The following PSD3 variants were observed in gnomAD, a reference collection of about 807,000 sequenced individuals.
The protein encoded by PSD3 is PH and SEC7 domain-containing protein 3.
A neutral mutation model predicts 105.5 loss-of-function variants in PSD3; 49 were observed. The observed-to-expected ratio is 0.46, with a 90% CI of 0.37 to 0.59. PSD3 has a LOEUF of 0.59. Among genes scored for constraint, PSD3 ranks in the 20% least tolerant of loss-of-function variants. The probability of loss-of-function intolerance (pLI) is 0.00; values close to 1 mark genes in which losing one functional copy is unlikely to be tolerated. For missense variants in PSD3, 1,561 were observed against 1,263.8 expected, an observed-to-expected ratio of 1.24 and a Z score of -3.57; for synonymous variants, 557 against 457.8, an observed-to-expected ratio of 1.22 and a Z score of -2.77.
chr8:19,083,534 C>G (rs1016841641), intron 1 of PSD3, among the ~76,000 whole-genome samples: 2 of 152,212 alleles, frequency 1.3e-5, no homozygotes, highest in African/African-American at 4.8e-5. Flanking sequence ...GGCTGCACAT[C>G]CATTTGGTGG....
At chr8:18,930,818 T>C (rs1821702195) in intron 2 of PSD3, among the ~76,000 whole-genome samples, 3 of 152,140 alleles carry the variant, frequency 2.0e-5, no homozygotes, top group African/African-American at 7.2e-5. Context: ...TCTGCCCGAC[T>C]TGGCCTCCCA....
At chr8:18,679,525 A>G (rs999880768) in intron 9 of PSD3, among the ~76,000 whole-genome samples, 1 of 152,210 alleles carries the variant, frequency 6.6e-6, no homozygotes, top group African/African-American at 2.4e-5. Context: ...TGTTAAATCT[A>G]GCTCAGTCTT....
chr8:19,053,312 C>T (rs1180643613), intron 1 of PSD3, among the ~76,000 whole-genome samples: 2 of 151,998 alleles, frequency 1.3e-5, no homozygotes, highest in African/African-American at 4.8e-5. Context: ...CTCCGCACTG[C>T]GTCCCCTGCC....
intron 2 of PSD3, among the ~76,000 whole-genome samples, chr8:18,917,832 A>C (rs1020702108): frequency 1.3e-5 from 2 of 152,164 alleles, no homozygotes; most frequent in African/African-American, 4.8e-5. Flanking sequence ...CGTGGAACCA[A>C]CATACAAGCT....
chr8:18,536,808 T>C (rs541403664), intron 15 of PSD3, among the ~76,000 whole-genome samples: 2 of 152,296 alleles, frequency 1.3e-5, no homozygotes, highest in East Asian at 3.9e-4. Flanking sequence ...ATCATATATG[T>C]TGCAAATTAG....
At chr8:18,557,900 C>T (rs1801174351) in intron 14 of PSD3, among the ~76,000 whole-genome samples, 1 of 152,196 alleles carries the variant, frequency 6.6e-6, no homozygotes, top group African/African-American at 2.4e-5. Flanking sequence ...AATTAACCTT[C>T]AGTGTAGCTA....
intron 4 of PSD3, among the ~76,000 whole-genome samples, chr8:18,835,683 T>G (rs547007838): frequency 6.6e-6 from 1 of 152,098 alleles, no homozygotes; most frequent in Non-Finnish European, 1.5e-5. Flanking sequence ...CAGAAGAGAA[T>G]CATTAAAAAT....
At chr8:18,888,152 C>G (rs764045388) in intron 2 of PSD3, among the ~76,000 whole-genome samples, 1 of 152,120 alleles carries the variant, frequency 6.6e-6, no homozygotes, top group Non-Finnish European at 1.5e-5. Flanking sequence ...GATTCAGAAC[C>G]ATCGCAAGCC....
At chr8:18,832,385 G>C (rs1813748568) in intron 4 of PSD3, among the ~76,000 whole-genome samples, 1 of 151,932 alleles carries the variant, frequency 6.6e-6, no homozygotes, top group Non-Finnish European at 1.5e-5. Flanking sequence ...TTTCCCTTCA[G>C]TTCTGCATAG....
At chr8:18,908,572 T>A (rs769329256) in intron 2 of PSD3, among the ~76,000 whole-genome samples, 2 of 152,314 alleles carry the variant, frequency 1.3e-5, no homozygotes, top group Admixed American at 1.3e-4. Context: ...ATCCCTGACT[T>A]CCCGTTCTGA....
intron 9 of PSD3, among the ~76,000 whole-genome samples, chr8:18,754,183 G>A (rs1355252290): frequency 3.3e-5 from 5 of 152,002 alleles, no homozygotes; most frequent in Admixed American, 1.3e-4. Context: ...CAGGAGTTCC[G>A]GATCAGCCTG....
chr8:18,915,719 T>G, intron 2 of PSD3, among the ~76,000 whole-genome samples: 1 of 152,008 alleles, frequency 6.6e-6, no homozygotes. Flanking sequence ...ATCAAAAAGA[T>G]AAAGTACCAG....
At chr8:18,837,492 A>C (rs926940453) in intron 4 of PSD3, among the ~76,000 whole-genome samples, 1 of 152,214 alleles carries the variant, frequency 6.6e-6, no homozygotes, top group African/African-American at 2.4e-5. Flanking sequence ...AAAGAAACTA[A>C]TCATGCTTCT....
At chr8:18,572,315 T>C (rs1195375943) in intron 14 of PSD3, among the ~76,000 whole-genome samples, 7 of 152,270 alleles carry the variant, frequency 4.6e-5, no homozygotes, top group Non-Finnish European at 1.0e-4. Context: ...TCAAAGTACG[T>C]GTCCTACTAA....
In PSD3 at chr8:18,867,899, C is replaced by T. The variant is rs1817061757; in HGVS notation, c.1409G>A (p.Ser470Asn). 4 of 1,614,166 alleles carry T rather than the reference C, an allele frequency of 2.5e-6. No individual in the cohort carries two copies. Among genetic ancestry groups the T allele is most frequent in the Non-Finnish European group, 3.4e-6 (4 of 1,180,026 alleles). Reference sequence around the variant, plus strand: ...GAGGGGCATTTCAAAGCTAAAATAGCTATCAGGCTCTGAGTATAATGTCTC... The same window carrying T: ...GAGGGGCATTTCAAAGCTAAAATAGTTATCAGGCTCTGAGTATAATGTCTC... ...SLETLYSEPD[S>N]YFSFEMPLTP... The change falls in exon 4 of 16, where the codon AGC becomes AAC. Residue 470 changes from serine to asparagine, a missense_variant. Physicochemically the swap from Ser to Asn is conservative, Grantham distance 46 (BLOSUM62 1). Transcript: ENST00000327040.
intron 12 of PSD3, among the ~76,000 whole-genome samples, chr8:18,595,948 T>C (rs915305017): frequency 3.3e-5 from 5 of 152,058 alleles, no homozygotes; most frequent in Non-Finnish European, 7.4e-5. Context: ...AGCATGAGAA[T>C]ATATATTCTT....
chr8:18,971,714 C>G (rs1824663094), intron 1 of PSD3, among the ~76,000 whole-genome samples: 1 of 152,104 alleles, frequency 6.6e-6, no homozygotes, highest in Non-Finnish European at 1.5e-5. Context: ...TTCTAAAATA[C>G]TATAAACAGG....
At chr8:18,782,782 G>T (rs940805612) in intron 8 of PSD3, among the ~76,000 whole-genome samples, 2 of 152,278 alleles carry the variant, frequency 1.3e-5, no homozygotes, top group East Asian at 3.9e-4. Context: ...TACAGCTTTG[G>T]GTGCCAGCAG....
intron 1 of PSD3, among the ~76,000 whole-genome samples, chr8:18,981,271 C>T (rs756710305): frequency 4.6e-5 from 7 of 152,164 alleles, no homozygotes; most frequent in South Asian, 2.1e-4. Flanking sequence ...TCAGGAAAGA[C>T]GCAAGAAAAG....
Sources: allele counts gnomAD v4.1 joint callset (sites outside exome capture counted in the v4.1 genomes callset), GRCh38; gene constraint gnomAD v4.1.1; transcripts MANE v1.5; gene names NCBI Gene and HGNC (gene_info 2026-07-23, HGNC 2026-07-21).